RP1: variants seen among roughly 807,000 people sequenced by gnomAD.
The protein encoded by RP1 is oxygen-regulated protein 1.
A neutral mutation model predicts 14.8 loss-of-function variants in RP1; 16 were observed. The observed-to-expected ratio is 1.08, with a 90% CI of 0.73 to 1.65. The LOEUF is 1.65. Ranked by LOEUF, RP1 falls within the 40% of genes most tolerant of loss-of-function variation. The pLI is 0.00. For synonymous variants in RP1, 876 were observed against 883.6 expected (o/e 0.99, Z 0.15); for missense variants, 2,631 against 2,535.0 (o/e 1.04, Z -0.81).
intron 18 of RP1, among the ~76,000 whole-genome samples, chr8:54,735,815 C>T (rs919602374): frequency 6.6e-6 from 1 of 152,134 alleles, no homozygotes; most frequent in African/African-American, 2.4e-5. Flanking sequence ...AGTCACCCCA[C>T]AAAAGTCTAA....
intron 26 of RP1, among the ~76,000 whole-genome samples, chr8:54,856,624 C>G (rs1023998068): frequency 2.6e-5 from 4 of 152,252 alleles, no homozygotes; most frequent in Middle Eastern, 3.4e-3. Context: ...GTCTCTTCGA[C>G]TGTGAAATGA....
intron 8 of RP1, among the ~76,000 whole-genome samples, chr8:54,675,569 G>A (rs1797178460): frequency 6.6e-6 from 1 of 152,016 alleles, no homozygotes; most frequent in Admixed American, 6.6e-5. Flanking sequence ...AGGCCAAAAA[G>A]AAAATCTCGG....
intron 3 of RP1, among the ~76,000 whole-genome samples, chr8:54,646,468 G>A (rs1390308116): frequency 2.6e-5 from 4 of 152,128 alleles, no homozygotes; most frequent in Non-Finnish European, 5.9e-5. Context: ...GGAAGACAAT[G>A]ACATCATCTT....
intron 3 of RP1, 152 bp from the exon 4 acceptor site, chr8:54,624,518 T>C: frequency 1.5e-6 from 1 of 675,534 alleles, no homozygotes; most frequent in Non-Finnish European, 2.5e-6. Context: ...AACATTTTAC[T>C]ATGAAATACA....
At chr8:54,839,143 G>C (rs531380064) in intron 25 of RP1, among the ~76,000 whole-genome samples, 1 of 151,988 alleles carries the variant, frequency 6.6e-6, no homozygotes, top group Admixed American at 6.6e-5. Context: ...TATATTACTG[G>C]CCCTACTTGG....
chr8:54,574,055 GTGA>G (rs1300940331), intron 1 of RP1, among the ~76,000 whole-genome samples: 21 of 152,170 alleles, frequency 1.4e-4, no homozygotes, highest in Non-Finnish European at 2.9e-4. Context: ...AGATCTGGTT[GTGA>G]TACCAATTCT....
chr8:54,819,990 A>G (rs968253594), intron 24 of RP1, among the ~76,000 whole-genome samples: 3 of 152,082 alleles, frequency 2.0e-5, no homozygotes, highest in African/African-American at 4.8e-5. Flanking sequence ...TCAGGGCCCA[A>G]TGGCTCTTAG....
chr8:54,787,093 G>A (rs1585691596), intron 24 of RP1, among the ~76,000 whole-genome samples: 1 of 152,054 alleles, frequency 6.6e-6, no homozygotes, highest in East Asian at 1.9e-4. Flanking sequence ...TTTTAAAAAG[G>A]GCTTGCAAAA....
chr8:54,596,119 A>G (rs959109561), intron 1 of RP1, among the ~76,000 whole-genome samples: 1 of 152,246 alleles, frequency 6.6e-6, no homozygotes, highest in South Asian at 2.1e-4. Context: ...CTGTTTCTCC[A>G]TAAGACTATA....
chr8:54,814,157 C>T (rs898153106), intron 24 of RP1, among the ~76,000 whole-genome samples: 5 of 152,152 alleles, frequency 3.3e-5, no homozygotes, highest in African/African-American at 7.2e-5. Context: ...TGACTCTTAA[C>T]TTTTGACTTG....
intron 28 of RP1, chr8:54,865,939 T>A (rs946416680): frequency 7.8e-5 from 81 of 1,038,682 alleles, no homozygotes; most frequent in Non-Finnish European, 9.7e-5. Context: ...TGCATTATTA[T>A]GCAAAATTAT....
chr8:54,602,666 G>A lies in RP1; in HGVS notation c.-12-18289G>A, dbSNP rs1291211222. 4.6e-5 allele frequency among the ~76,000 whole-genome samples: 7 copies of A among 152,172 alleles called. No individual in the cohort carries two copies. In the South Asian group the frequency reaches 6.2e-4, roughly 14 times the overall value. On this transcript the variant is annotated intron_variant, in intron 1 of 22. Transcript: ENST00000636932. The stretch of plus-strand genomic sequence containing the variant: ...ACAGTCCCAGTAACAGTGTAAAAGT[G>A]TTCCTATTTCTCCACATCCTCTCCA...
At chr8:54,768,602 T>C (rs1563370746) in intron 22 of RP1, among the ~76,000 whole-genome samples, 1 of 152,182 alleles carries the variant, frequency 6.6e-6, no homozygotes, top group African/African-American at 2.4e-5. Flanking sequence ...AAAACTGATA[T>C]ACCATGTAAT....
At chr8:54,658,740 G>A (rs72650333) in intron 6 of RP1, among the ~76,000 whole-genome samples, 45,446 of 151,878 alleles carry the variant, frequency 0.3, 8,302 homozygotes, top group Middle Eastern at 0.48. Flanking sequence ...ACTCTTTTGG[G>A]TGTGTATCTA....
intron 25 of RP1, among the ~76,000 whole-genome samples, chr8:54,838,753 T>C (rs1398702592): frequency 6.6e-6 from 1 of 152,062 alleles, no homozygotes; most frequent in African/African-American, 2.4e-5. Flanking sequence ...ATCTCTCTGT[T>C]GTATTTGATA....
chr8:54,694,525 A>C (rs1585613158), intron 12 of RP1, among the ~76,000 whole-genome samples: 1 of 152,076 alleles, frequency 6.6e-6, no homozygotes, highest in East Asian at 1.9e-4. Context: ...CAGAGATTCA[A>C]CTTCTTCCTG....
At chr8:54,565,695 G>T (rs773141125) in intron 1 of RP1, among the ~76,000 whole-genome samples, 1 of 152,172 alleles carries the variant, frequency 6.6e-6, no homozygotes, top group South Asian at 2.1e-4. Context: ...TTACTCTCTG[G>T]GGGTGGAGAG....
At position 54,627,314 on chromosome 8, in the gene RP1, C is replaced by T. The variant is rs1806089040; in HGVS notation, c.3432C>T (p.Ser1144=). 2 of 1,614,148 alleles carry T rather than the reference C, an allele frequency of 1.2e-6. No individual in the cohort carries two copies. The highest frequency in any genetic ancestry group is 2.2e-5 in the South Asian group (2 of 91,088). The change falls in exon 4 of 4, where the codon AGC becomes AGT. Residue 1144 remains serine, a synonymous_variant. Coordinates refer to ENST00000220676, the MANE Select transcript of RP1 (RefSeq NM_006269.2). ...LVLNLKGSMN[S]FCQVDAHKAT... is the part of the protein sequence containing the mutation. ...TAAACCTAAAGGGAAGTATGAATAG[C>T]TTCTGTCAAGTTGATGCTCACAAGG...
chr8:54,797,157 C>G (rs80216862), intron 24 of RP1, among the ~76,000 whole-genome samples: 5,819 of 152,136 alleles, frequency 0.038, 249 homozygotes, highest in African/African-American at 0.097. Context: ...TTGTATGTAA[C>G]ACTGCTGAAG....
Sources: allele counts gnomAD v4.1 joint callset (sites outside exome capture counted in the v4.1 genomes callset), GRCh38; gene constraint gnomAD v4.1.1; transcripts MANE v1.5; gene names NCBI Gene and HGNC (gene_info 2026-07-23, HGNC 2026-07-21).